The following SEZ6L variants were observed in gnomAD, a reference collection of about 807,000 sequenced individuals.
The protein encoded by SEZ6L is seizure 6-like protein.
A neutral mutation model predicts 106.2 loss-of-function variants in SEZ6L; 37 were observed. The observed-to-expected ratio is 0.35, with a 90% CI of 0.27 to 0.46. The LOEUF is 0.46. SEZ6L is among the 20% of genes least tolerant of loss of function. The pLI is 1.00. For missense variants in SEZ6L, 1,172 were observed against 1,332.8 expected (o/e 0.88, Z 1.88); for synonymous variants, 541 against 570.4 (o/e 0.95, Z 0.73).
At chr22:26,178,213 C>T (rs1454647655) in intron 1 of SEZ6L, among the ~76,000 whole-genome samples, 2 of 152,230 alleles carry the variant, frequency 1.3e-5, no homozygotes, top group African/African-American at 2.4e-5. Context: ...TAGCTCCCTC[C>T]TCTGCTGACT....
chr22:26,178,658 A>G (rs980886269), intron 1 of SEZ6L, among the ~76,000 whole-genome samples: 1 of 152,174 alleles, frequency 6.6e-6, no homozygotes, highest in Middle Eastern at 3.2e-3. Flanking sequence ...GCTTAGTGTC[A>G]TAAATTGGTG....
intron 4 of SEZ6L, 53 bp from the exon 5 acceptor site, chr22:26,298,923 GTCAGGTTC>G: frequency 1.4e-6 from 2 of 1,468,120 alleles, no homozygotes; most frequent in South Asian, 2.9e-5. Flanking sequence ...CAGGATGTGG[GTCAGGTTC>G]TTGATCTGCC....
rs116913932 is a variant in SEZ6L at position 26,313,113 on chromosome 22, A to G, written c.1877-651A>G. On this transcript the variant is annotated intron_variant, in intron 8 of 16. Coordinates refer to ENST00000248933, the MANE Select transcript of SEZ6L (RefSeq NM_021115.5). ...CTTTCCAAAGTGGTAAACACAGAGT[A>G]GAATTTAAAGGGCACCTGCCGCAGC... Among the ~76,000 whole-genome samples the G allele has an allele frequency of 2.5e-3, 382 of 152,366 alleles. 9 individuals carry two copies. The East Asian group carries it at 0.059, about 24-fold the overall frequency.
At chr22:26,348,984 G>T (rs1041370113) in intron 11 of SEZ6L, among the ~76,000 whole-genome samples, 1 of 151,276 alleles carries the variant, frequency 6.6e-6, no homozygotes, top group African/African-American at 2.4e-5. Context: ...GAGAGGAAGG[G>T]AGGGAAAAAT....
intron 1 of SEZ6L, among the ~76,000 whole-genome samples, chr22:26,231,496 G>C (rs1850355476): frequency 6.6e-6 from 1 of 152,138 alleles, no homozygotes; most frequent in South Asian, 2.1e-4. Context: ...AGAGTTTTCT[G>C]TTTGGAAGGG....
chr22:26,364,425 TAAAAAA>T (rs10577471), intron 12 of SEZ6L, among the ~76,000 whole-genome samples: 7 of 131,246 alleles, frequency 5.3e-5, no homozygotes, highest in African/African-American at 1.4e-4. Flanking sequence ...GTCTCTACTT[TAAAAAA>T]AAAAAAAAAA....
intron 9 of SEZ6L, among the ~76,000 whole-genome samples, chr22:26,326,874 C>A (rs2082321010): frequency 1.3e-5 from 2 of 152,220 alleles, no homozygotes; most frequent in South Asian, 4.1e-4. Context: ...GAAGCCCCTG[C>A]AAACCCCTCT....
intron 5 of SEZ6L, among the ~76,000 whole-genome samples, chr22:26,299,870 A>C (rs970779001): frequency 1.2e-4 from 19 of 152,200 alleles, no homozygotes; most frequent in African/African-American, 4.6e-4. Flanking sequence ...TCATAGGGTC[A>C]TTGTATGTAT....
intron 1 of SEZ6L, among the ~76,000 whole-genome samples, chr22:26,220,495 G>T (rs2078432428): frequency 6.6e-6 from 1 of 152,164 alleles, no homozygotes; most frequent in South Asian, 2.1e-4. Flanking sequence ...GGGTTGCAGG[G>T]CTCCTGACTC....
At position 26,300,827 on chromosome 22, in the gene SEZ6L, A is replaced by C. The variant is rs141264045; in HGVS notation, c.1348+1658A>C. On this transcript the variant is annotated intron_variant, in intron 5 of 16. Coordinates refer to ENST00000248933, the MANE Select transcript of SEZ6L (RefSeq NM_021115.5). Reference sequence around the variant, plus strand: ...TAATCAGGTTGTTTGTCTTTTTGTTATTGAGTTGTAAGCAATCATTATATA... The same window carrying C: ...TAATCAGGTTGTTTGTCTTTTTGTTCTTGAGTTGTAAGCAATCATTATATA... 4.1e-3 allele frequency among the ~76,000 whole-genome samples: 621 copies of C among 152,274 alleles called. 4 individuals carry two copies. The highest frequency in any genetic ancestry group is 0.014 in the African/African-American group (589 of 41,554).
rs2084402433 is a variant in SEZ6L, at chr22:26,381,210, A to G, written c.*915A>G. ...GAGGCACCAGCGGCCCCACTCATAC[A>G]GTGACAAGGATTTGTGATGGGAAAA... On this transcript the variant is annotated 3_prime_UTR_variant, in exon 17 of 17. Transcript: ENST00000248933. 2 of 152,230 alleles carry G rather than the reference A, an allele frequency of 1.3e-5. No individual in the cohort carries two copies. Among genetic ancestry groups the G allele is most frequent in the African/African-American group, 4.8e-5 (2 of 41,446 alleles). The allele number at this position is 152,230 out of a possible 1,614,324, so 9.4% of individuals were successfully genotyped here.
chr22:26,228,244 T>G (rs2078692812), intron 1 of SEZ6L, among the ~76,000 whole-genome samples: 2 of 152,062 alleles, frequency 1.3e-5, no homozygotes, highest in African/African-American at 2.4e-5. Flanking sequence ...GAAAGGAGTA[T>G]TCCCAGGAAA....
intron 4 of SEZ6L, 79 bp from the exon 5 acceptor site, chr22:26,298,905 C>T: frequency 7.1e-7 from 1 of 1,399,368 alleles, no homozygotes; most frequent in Non-Finnish European, 9.6e-7. Flanking sequence ...CCAGCACAAA[C>T]TGGCTCCCAG....
intron 15 of SEZ6L, 63 bp downstream of exon 15, chr22:26,375,752 G>A: frequency 7.9e-7 from 1 of 1,269,956 alleles, no homozygotes; most frequent in Admixed American, 2.0e-5. Flanking sequence ...GAGGGACTGG[G>A]CGGTTCACCT....
chr22:26,203,141 T>G (rs1388239869), intron 1 of SEZ6L, among the ~76,000 whole-genome samples: 1 of 152,216 alleles, frequency 6.6e-6, no homozygotes, highest in East Asian at 1.9e-4. Flanking sequence ...AGGGTGTCAG[T>G]GTCTAGAACA....
intron 10 of SEZ6L, among the ~76,000 whole-genome samples, 178 bp downstream of exon 10, chr22:26,340,810 G>T (rs1488261285): frequency 6.6e-6 from 1 of 152,198 alleles, no homozygotes; most frequent in East Asian, 1.9e-4. Context: ...CAGGGTTTGA[G>T]CCCTAGCACG....
At chr22:26,250,651 T>C (rs2105667) in intron 1 of SEZ6L, among the ~76,000 whole-genome samples, 37,494 of 152,156 alleles carry the variant, frequency 0.25, 5,267 homozygotes, top group East Asian at 0.32. Flanking sequence ...TCGGGATCTT[T>C]TGTGCTTCCA....
chr22:26,230,606 T>A lies in SEZ6L; in HGVS notation c.94+60843T>A, dbSNP rs557911838. Among the ~76,000 whole-genome samples, 6 of 152,296 alleles carry A rather than the reference T, an allele frequency of 3.9e-5. No individual in the cohort carries two copies. The South Asian group carries it at 1.2e-3, about 32-fold the overall frequency. ...CAGAAAGTGCTGCTAGAACAAGGAC[T>A]GAGGAAATCCTTCAGGGAAACAGAC... On this transcript the variant is annotated intron_variant, in intron 1 of 16. Transcript: ENST00000248933.
At chr22:26,223,025 C>A (rs927897373) in intron 1 of SEZ6L, among the ~76,000 whole-genome samples, 1 of 152,108 alleles carries the variant, frequency 6.6e-6, no homozygotes, top group African/African-American at 2.4e-5. Flanking sequence ...ATGTCAATAG[C>A]GCCTAGGTTG....
Sources: gnomAD v4.1 joint callset for allele counts (sites outside exome capture counted in the v4.1 genomes callset) on GRCh38, gnomAD v4.1.1 for gene constraint, MANE v1.5 for transcripts, NCBI Gene and HGNC (gene_info 2026-07-23, HGNC 2026-07-21) for gene names.